Variants in ACCSL observed in about 807,000 individuals in gnomAD.
The protein encoded by ACCSL is probable inactive 1-aminocyclopropane-1-carboxylate synthase-like protein 2.
ACCSL carries 55 observed loss-of-function variants against 61.7 expected under a neutral mutation model. The ratio of observed to expected loss-of-function variants is 0.89; its 90% confidence interval spans 0.72 to 1.12. The LOEUF is 1.12. Ranked by LOEUF, ACCSL falls within the 50% of genes most tolerant of loss-of-function variation. ACCSL has a pLI of 0.00. For synonymous variants in ACCSL, 258 were observed against 264.3 expected (o/e 0.98, Z 0.23); for missense variants, 632 against 698.0 (o/e 0.91, Z 1.07).
chr11:43,967,186 T>TTC, the ACCSL span, among the ~76,000 whole-genome samples: 1 of 133,252 alleles, frequency 7.5e-6, no homozygotes, highest in African/African-American at 2.8e-5. Flanking sequence ...TTTTTTTTTT[T>TTC]TTTTTTTTGA....
At chr11:43,962,072 AC>A in the ACCSL span, among the ~76,000 whole-genome samples, 2 of 151,970 alleles carry the variant, frequency 1.3e-5, no homozygotes, top group Admixed American at 1.3e-4. Flanking sequence ...GAACATGGAC[AC>A]CTTCCACCTG....
chr11:43,958,465 C>G, the ACCSL span, among the ~76,000 whole-genome samples: 1 of 152,194 alleles, frequency 6.6e-6, no homozygotes, highest in Non-Finnish European at 1.5e-5. Context: ...CTGAAAGACT[C>G]TGATCCCCAA....
chr11:44,017,071 A>G, the ACCSL span, among the ~76,000 whole-genome samples: 1 of 152,160 alleles, frequency 6.6e-6, no homozygotes, highest in Non-Finnish European at 1.5e-5. Flanking sequence ...CTGCCCTCCT[A>G]GAGCTCATCA....
chr11:43,974,938 A>G, the ACCSL span, among the ~76,000 whole-genome samples: 1 of 152,202 alleles, frequency 6.6e-6, no homozygotes, highest in African/African-American at 2.4e-5. Context: ...GAGATAATAC[A>G]TGTTTATTGT....
At chr11:44,018,250 T>C in the ACCSL span, among the ~76,000 whole-genome samples, 1 of 152,100 alleles carries the variant, frequency 6.6e-6, no homozygotes, top group Non-Finnish European at 1.5e-5. Context: ...CCAGGGAGCA[T>C]CACAACTCCA....
At chr11:43,926,525 C>G in the ACCSL span, 1 of 455,662 alleles carries the variant, frequency 2.2e-6, no homozygotes, top group Non-Finnish European at 4.4e-6. Flanking sequence ...GCTTTTATAT[C>G]CAGAGATTGT....
chr11:43,966,285 G>C, the ACCSL span, among the ~76,000 whole-genome samples: 32 of 152,052 alleles, frequency 2.1e-4, no homozygotes, highest in Non-Finnish European at 4.3e-4. Context: ...AATTAGCTGG[G>C]CATAGTGGTG....
At chr11:44,056,479 G>C (rs1264305033) in intron 11 of ACCSL, among the ~76,000 whole-genome samples, 153 bp downstream of exon 11, 1 of 152,202 alleles carries the variant, frequency 6.6e-6, no homozygotes, top group East Asian at 1.9e-4. Flanking sequence ...GTTTGAAGGA[G>C]GGCAAGATAG....
Position 44,048,236 on chromosome 11 carries a change from A to C in ACCSL, c.200A>C (p.His67Pro). Residue 67 changes from histidine (H) to proline (P), a missense_variant, in exon 1 of 14, where the codon CAT becomes CCT. His to Pro is a moderately conservative substitution (Grantham distance 77). Transcript: ENST00000378832. ...ERRHTEAICE[H>P]EALLSRLICR... is the part of the protein sequence containing the mutation. ...AGGCACACTGAGGCCATCTGTGAGC[A>C]TGAAGCCCTTCTGAGTCGCTTAATA... The C allele has an allele frequency of 6.2e-7, 1 of 1,614,196 alleles. No individual in the cohort carries two copies. The highest frequency in any genetic ancestry group is 8.5e-7 in the Non-Finnish European group (1 of 1,180,038).
At chr11:44,057,482 G>A (rs1316928471) in intron 11 of ACCSL, among the ~76,000 whole-genome samples, 1 of 152,216 alleles carries the variant, frequency 6.6e-6, no homozygotes, top group Non-Finnish European at 1.5e-5. Context: ...GGACGTGGGA[G>A]TTTCCCAGGG....
At chr11:44,053,170 G>A in intron 7 of ACCSL, 102 bp downstream of exon 7, 1 of 1,086,870 alleles carries the variant, frequency 9.2e-7, no homozygotes, top group Non-Finnish European at 1.4e-6. Context: ...CTGGTGGGCT[G>A]TCCTTAGTTG....
At chr11:44,058,734 G>A (rs17795924) in intron 13 of ACCSL, 35 bp downstream of exon 13, 163,506 of 1,577,830 alleles carry the variant, frequency 0.1, 9,171 homozygotes, top group Non-Finnish European at 0.11. Context: ...CTTTAAAGAC[G>A]CCCCATCAAT....
the ACCSL span, among the ~76,000 whole-genome samples, chr11:44,032,445 G>A: frequency 2.0e-5 from 3 of 152,206 alleles, no homozygotes; most frequent in Admixed American, 6.5e-5. Flanking sequence ...ATTATTCACT[G>A]TGGGTCAGCA....
chr11:44,034,559 AAGAGAGAG>A, the ACCSL span, among the ~76,000 whole-genome samples: 1 of 151,500 alleles, frequency 6.6e-6, no homozygotes, highest in African/African-American at 2.4e-5. Flanking sequence ...GGTGGCAAGC[AAGAGAGAG>A]AGAGAGAGAG....
At chr11:44,017,471 A>C in the ACCSL span, among the ~76,000 whole-genome samples, 1 of 152,218 alleles carries the variant, frequency 6.6e-6, no homozygotes, top group Admixed American at 6.5e-5. Flanking sequence ...GATGTCTGCC[A>C]GGTCTGCAGG....
At chr11:43,975,524 C>T in the ACCSL span, among the ~76,000 whole-genome samples, 1 of 152,158 alleles carries the variant, frequency 6.6e-6, no homozygotes, top group South Asian at 2.1e-4. Context: ...AATATAGCTA[C>T]TAAGAAGCTC....
At chr11:43,968,635 T>G in the ACCSL span, among the ~76,000 whole-genome samples, 1 of 152,242 alleles carries the variant, frequency 6.6e-6, no homozygotes, top group South Asian at 2.1e-4. Flanking sequence ...TCAGGGATTG[T>G]GAATTCAGGC....
chr11:44,057,904 G>C (rs1952681402), intron 11 of ACCSL, among the ~76,000 whole-genome samples: 2 of 152,218 alleles, frequency 1.3e-5, no homozygotes, highest in African/African-American at 4.8e-5. Context: ...AGGGTGCAGT[G>C]GCTAACACCT....
the ACCSL span, among the ~76,000 whole-genome samples, chr11:43,956,580 C>T: frequency 3.6e-4 from 55 of 152,242 alleles, no homozygotes; most frequent in Middle Eastern, 0.014. Context: ...CCACCACACC[C>T]GGCTAATTTT....
Sources: gnomAD v4.1 joint callset for allele counts (sites outside exome capture counted in the v4.1 genomes callset) on GRCh38, gnomAD v4.1.1 for gene constraint, MANE v1.5 for transcripts, NCBI Gene and HGNC (gene_info 2026-07-23, HGNC 2026-07-21) for gene names.